DCDC1: variants seen among roughly 807,000 people sequenced by gnomAD.
DCDC1 encodes the protein doublecortin domain-containing protein 1.
A neutral mutation model predicts 178.3 loss-of-function variants in DCDC1; 200 were observed. The observed-to-expected ratio is 1.12, with a 90% CI of 1.00 to 1.26. DCDC1 has a LOEUF of 1.26. Ranked by LOEUF, DCDC1 falls within the 50% of genes most tolerant of loss-of-function variation. The pLI is 0.00. For missense variants in DCDC1, 1,983 were observed against 1,749.2 expected, an observed-to-expected ratio of 1.13 and a Z score of -2.38; for synonymous variants, 690 against 604.8, an observed-to-expected ratio of 1.14 and a Z score of -2.07.
chr11:31,331,031 A>C (rs1040039211), intron 2 of DCDC1, among the ~76,000 whole-genome samples: 2 of 152,158 alleles, frequency 1.3e-5, no homozygotes, highest in African/African-American at 4.8e-5. Flanking sequence ...TGAGCATGGA[A>C]TGTTCAATTT....
intron 12 of DCDC1, 147 bp downstream of exon 12, chr11:31,110,113 T>C (rs1959105866): frequency 1.8e-6 from 1 of 560,286 alleles, no homozygotes; most frequent in African/African-American, 1.9e-5. Flanking sequence ...GCCTAAGAAA[T>C]TCAGAAGTAA....
intron 2 of DCDC1, among the ~76,000 whole-genome samples, chr11:31,331,786 T>G (rs1316167408): frequency 6.6e-6 from 1 of 152,198 alleles, no homozygotes; most frequent in African/African-American, 2.4e-5. Context: ...TTGCCAGTAT[T>G]TTATTGAGGA....
chr11:31,309,374 G>C (rs1233119283), intron 3 of DCDC1, among the ~76,000 whole-genome samples: 1 of 152,154 alleles, frequency 6.6e-6, no homozygotes, highest in African/African-American at 2.4e-5. Context: ...AAGGGTCTTT[G>C]GACTAGCTCT....
chr11:30,981,300 T>A (rs1950383732), intron 20 of DCDC1, among the ~76,000 whole-genome samples: 1 of 152,108 alleles, frequency 6.6e-6, no homozygotes, highest in African/African-American at 2.4e-5. Context: ...ATGCAATATA[T>A]TCATATAACA....
At chr11:31,232,293 G>A (rs993228257) in intron 9 of DCDC1, among the ~76,000 whole-genome samples, 2 of 152,028 alleles carry the variant, frequency 1.3e-5, no homozygotes, top group African/African-American at 2.4e-5. Context: ...TGTTAATAGA[G>A]TTAATTTTAA....
chr11:30,921,215 T>G (rs897846985), intron 24 of DCDC1, among the ~76,000 whole-genome samples: 11 of 152,198 alleles, frequency 7.2e-5, no homozygotes, highest in Non-Finnish European at 1.5e-4. Flanking sequence ...AGATATATGT[T>G]TCTAGATCAT....
intron 9 of DCDC1, among the ~76,000 whole-genome samples, chr11:31,239,453 C>T (rs963910220): frequency 6.6e-6 from 1 of 151,838 alleles, no homozygotes; most frequent in Non-Finnish European, 1.5e-5. Flanking sequence ...TATAACACTA[C>T]AAAAGAAGAA....
intron 21 of DCDC1, chr11:30,943,758 T>C: frequency 2.7e-6 from 1 of 377,104 alleles, no homozygotes; most frequent in Non-Finnish European, 5.2e-6. Context: ...CTGATATCCC[T>C]AGATATATTA....
At chr11:31,274,127 G>A (rs1945798517) in intron 7 of DCDC1, among the ~76,000 whole-genome samples, 1 of 152,108 alleles carries the variant, frequency 6.6e-6, no homozygotes, top group Middle Eastern at 3.4e-3. Flanking sequence ...TTTTTCTCCT[G>A]CTTTCTTGTC....
intron 20 of DCDC1, among the ~76,000 whole-genome samples, chr11:31,021,112 A>T (rs563835965): frequency 6.6e-6 from 1 of 152,244 alleles, no homozygotes; most frequent in Non-Finnish European, 1.5e-5. Context: ...TGCAACAGGC[A>T]CTTTTACATG....
chr11:31,355,286 T>A (rs535715249), intron 1 of DCDC1, among the ~76,000 whole-genome samples: 1 of 152,244 alleles, frequency 6.6e-6, no homozygotes, highest in African/African-American at 2.4e-5. Context: ...TGAGACCAGC[T>A]GGCTGACTAC....
intron 20 of DCDC1, among the ~76,000 whole-genome samples, chr11:31,020,751 A>G (rs1337956428): frequency 6.6e-6 from 1 of 152,070 alleles, no homozygotes; most frequent in East Asian, 1.9e-4. Flanking sequence ...TTATAATTTT[A>G]AAGTGGGGAA....
intron 18 of DCDC1, among the ~76,000 whole-genome samples, chr11:31,070,407 A>G (rs1956484159): frequency 6.6e-6 from 1 of 152,202 alleles, no homozygotes; most frequent in Non-Finnish European, 1.5e-5. Flanking sequence ...TTCCAAGTCT[A>G]TCAGCTCTTT....
rs612453 is a variant in DCDC1, at chr11:30,899,913, C to T, written c.4664-271G>A. On this transcript the variant is annotated intron_variant, in intron 33 of 38. Transcript: ENST00000684477. Reference sequence around the variant, plus strand: ...ATATTTCATTTTCCACTTCCACAAACTATTTGGAGGTGATGAAAGCCTGGC... The same window carrying T: ...ATATTTCATTTTCCACTTCCACAAATTATTTGGAGGTGATGAAAGCCTGGC... 2.8e-3 allele frequency among the ~76,000 whole-genome samples: 429 copies of T among 152,212 alleles called. 1 individual carries two copies. The highest frequency in any genetic ancestry group is 0.01 in the African/African-American group (421 of 41,558).
chr11:30,935,394 G>C (rs964950263), intron 21 of DCDC1, among the ~76,000 whole-genome samples: 29 of 152,164 alleles, frequency 1.9e-4, no homozygotes, highest in African/African-American at 7.0e-4. Context: ...AAATCTTATA[G>C]TCTGGGATGC....
intron 19 of DCDC1, 58 bp downstream of exon 19, chr11:31,064,961 T>C: frequency 1.5e-6 from 1 of 662,708 alleles, no homozygotes; most frequent in East Asian, 2.5e-5. Flanking sequence ...ATTTTTTCTT[T>C]TTTCAAAATA....
chr11:31,046,334 G>A (rs561614177), intron 20 of DCDC1, among the ~76,000 whole-genome samples: 44 of 151,866 alleles, frequency 2.9e-4, no homozygotes, highest in Non-Finnish European at 2.8e-4. Context: ...CCATTCATAG[G>A]AAAAGCCTTT....
chr11:31,341,382 TATAG>T (rs10552471), intron 1 of DCDC1, among the ~76,000 whole-genome samples: 53,056 of 134,464 alleles, frequency 0.39, 9,764 homozygotes, highest in East Asian at 0.55. Flanking sequence ...ATTCCAGTTT[TATAG>T]ATAGATAGAT....
intron 6 of DCDC1, among the ~76,000 whole-genome samples, chr11:31,294,862 GAAAGAAAA>G (rs1351222070): frequency 1.0e-4 from 13 of 124,420 alleles, no homozygotes; most frequent in South Asian, 8.1e-4. Context: ...AAGAAAGAAA[GAAAGAAAA>G]AGAAAACAGA....
Sources: allele counts gnomAD v4.1 joint callset (sites outside exome capture counted in the v4.1 genomes callset), GRCh38; gene constraint gnomAD v4.1.1; transcripts MANE v1.5; gene names NCBI Gene and HGNC (gene_info 2026-07-23, HGNC 2026-07-21).